Variants in GANAB observed in about 807,000 individuals in gnomAD.
GANAB encodes neutral alpha-glucosidase AB.
In GANAB, 35 loss-of-function variants were observed where a neutral mutation model predicts 129.9. That is an observed-to-expected ratio of 0.27 (90% CI 0.21 to 0.36). The LOEUF (loss-of-function observed/expected upper bound fraction) is 0.36, where lower values mean the gene tolerates loss of function less well. Among genes scored for constraint, GANAB ranks in the 10% least tolerant of loss-of-function variants. The pLI is 1.00. For synonymous variants in GANAB, 482 were observed against 451.8 expected (o/e 1.07, Z -0.85); for missense variants, 939 against 1,221.0 (o/e 0.77, Z 3.44).
At chr11:62,635,786 C>A (rs1943916313) in intron 4 of GANAB, among the ~76,000 whole-genome samples, 1 of 151,556 alleles carries the variant, frequency 6.6e-6, no homozygotes, top group Non-Finnish European at 1.5e-5. Context: ...CCACCACACC[C>A]GGCTAATTTT....
intron 4 of GANAB, among the ~76,000 whole-genome samples, chr11:62,636,962 G>A (rs142969740): frequency 0.013 from 2,018 of 151,748 alleles, 40 homozygotes; most frequent in African/African-American, 0.046. Flanking sequence ...TCTGACCTTG[G>A]GGTAGATAAA....
chr11:62,632,793 G>A (rs758066176), intron 8 of GANAB, 48 bp from the exon 9 acceptor site: 9 of 1,447,852 alleles, frequency 6.2e-6, no homozygotes, highest in African/African-American at 2.8e-5. Context: ...CCCAGGCTGC[G>A]TTATATGCTA....
At position 62,629,689 on chromosome 11, in the gene GANAB, G is replaced by A. The variant is rs1306316887; in HGVS notation, c.1738-5C>T. The A allele has an allele frequency of 1.2e-6, 2 of 1,612,340 alleles. No individual in the cohort carries two copies. The highest frequency in any genetic ancestry group is 1.7e-6 in the Non-Finnish European group (2 of 1,178,690). On this transcript the variant is annotated splice_polypyrimidine_tract_variant and splice_region_variant and intron_variant, in intron 14 of 23. Coordinates refer to ENST00000356638, the MANE Select transcript of GANAB (RefSeq NM_198334.3). ...CCCATCAGCAGTCGCCATGTGCTGG[G>A]TGAGGAGAGAAGAGACGGGTAGTGA... is the stretch of plus-strand genomic sequence containing the variant.
intron 4 of GANAB, among the ~76,000 whole-genome samples, chr11:62,638,667 T>C (rs1337986751): frequency 1.3e-5 from 2 of 151,384 alleles, no homozygotes; most frequent in African/African-American, 2.4e-5. Flanking sequence ...AGCAAGCAGG[T>C]AGACATTGTA....
intron 1 of GANAB, among the ~76,000 whole-genome samples, chr11:62,644,915 G>C (rs1271276488): frequency 1.3e-5 from 2 of 152,064 alleles, no homozygotes; most frequent in African/African-American, 4.8e-5. Context: ...ATTGTATCTA[G>C]TTATCTAGCA....
intron 1 of GANAB, among the ~76,000 whole-genome samples, chr11:62,643,086 C>T (rs1420939436): frequency 6.6e-6 from 1 of 152,126 alleles, no homozygotes; most frequent in South Asian, 2.1e-4. Context: ...TCCCAATGTG[C>T]TATGAAATGA....
At position 62,631,029 on chromosome 11, in the gene GANAB, C is replaced by A. The variant is rs769414741; in HGVS notation, c.1150+1G>T. The A allele has an allele frequency of 1.9e-6, 3 of 1,596,596 alleles. No individual in the cohort carries two copies. ...AGAATGAGGCAGGGAAAACCATGTA[C>A]CTGTGAGACTAGCATATTGCCGGAA... On this transcript the variant is annotated splice_donor_variant, in intron 10 of 23. Coordinates refer to ENST00000356638, the MANE Select transcript of GANAB (RefSeq NM_198334.3). LOFTEE classifies it high-confidence loss of function.
intron 1 of GANAB, among the ~76,000 whole-genome samples, chr11:62,641,341 G>GAAAAAAAA (rs10629748): frequency 9.1e-6 from 1 of 109,978 alleles, no homozygotes; most frequent in African/African-American, 3.5e-5. Context: ...AAAACTCTCA[G>GAAAAAAAA]AAAAAAAAAA....
chr11:62,639,776 G>C (rs746704796), intron 1 of GANAB, 45 bp from the exon 2 acceptor site: 4 of 1,317,776 alleles, frequency 3.0e-6, no homozygotes, highest in Non-Finnish European at 4.4e-6. Context: ...ATGGAGGTCA[G>C]AAGGGGCCCC....
chr11:62,634,507 T>C, intron 5 of GANAB: 1 of 676,080 alleles, frequency 1.5e-6, no homozygotes, highest in Non-Finnish European at 2.6e-6. Context: ...AAAAAATAAA[T>C]AAATAAAAAC....
Position 62,625,444 on chromosome 11 carries a change from C to T in GANAB, c.*371G>A, listed in dbSNP as rs1031415130. The T allele has an allele frequency of 2.5e-5, 10 of 397,766 alleles. No individual in the cohort carries two copies. The Admixed American group carries it at 3.2e-4, about 13-fold the overall frequency. The allele number at this position is 397,766 out of a possible 1,614,324, so 24.6% of individuals were successfully genotyped here. A position where few individuals can be genotyped will look rare whatever the true frequency, so the allele number is the denominator to read the frequency against. ...CTCATCTTCTTCCAAGAAGTGGCAT[C>T]AACATACAAGAGGCATGAATGGATA... On this transcript the variant is annotated 3_prime_UTR_variant, in exon 24 of 24. Coordinates refer to ENST00000356638, the MANE Select transcript of GANAB (RefSeq NM_198334.3).
rs372157422 is a variant in GANAB, at chr11:62,635,051, G to C, written c.381-51C>G. 304 of 1,346,296 alleles carry C rather than the reference G, an allele frequency of 2.3e-4. 1 individual carries two copies. The Admixed American group carries it at 2.7e-3, about 12-fold the overall frequency. The allele number at this position is 1,346,296 out of a possible 1,614,324, so 83.4% of individuals were successfully genotyped here. A position where few individuals can be genotyped will look rare whatever the true frequency, so the allele number is the denominator to read the frequency against. On this transcript the variant is annotated intron_variant, in intron 4 of 23. Transcript: ENST00000356638. ...AAGGAAGTACAAAGGGCCAAGAGGAGTAATGACACTTTAGAAGACCGGGGG... is the reference window on the plus strand; with the variant it reads ...AAGGAAGTACAAAGGGCCAAGAGGACTAATGACACTTTAGAAGACCGGGGG...
intron 15 of GANAB, 117 bp from the exon 16 acceptor site, chr11:62,629,412 A>G: frequency 2.3e-6 from 2 of 856,616 alleles, no homozygotes; most frequent in South Asian, 2.9e-5. Flanking sequence ...GCAGTTCACA[A>G]GAACATTTGA....
chr11:62,634,388 G>C, intron 5 of GANAB: 1 of 1,583,196 alleles, frequency 6.3e-7, no homozygotes. Context: ...GGGGCAGGAG[G>C]AGATGGGTAG....
At position 62,639,391 on chromosome 11, in the gene GANAB, G is replaced by A. The variant is rs143393884; in HGVS notation, c.220C>T (p.Leu74Phe). The change falls in exon 3 of 24, where the codon CTC becomes TTC. Residue 74 changes from leucine to phenylalanine, a missense_variant. By Grantham distance (22) the Leu-to-Phe change is conservative. Coordinates refer to ENST00000356638, the MANE Select transcript of GANAB (RefSeq NM_198334.3). ...ACCTCATGGATCAGATGGACCGTGA[G>A]GGAATCAGGACCAAGCTGTAGAGAG... The part of the protein sequence containing the change: ...LDSLQLGPDS[L>F]TVHLIHEVTK... 2.1e-4 allele frequency: 339 copies of A among 1,612,696 alleles called. 2 individuals carry two copies. The African/African-American group carries it at 3.9e-3, about 18-fold the overall frequency.
chr11:62,630,183 G>A lies in GANAB; in HGVS notation c.1593+14C>T, dbSNP rs1590800150. The A allele has an allele frequency of 6.3e-7, 1 of 1,588,344 alleles. No homozygotes were observed. Among genetic ancestry groups the A allele is most frequent in the East Asian group, 2.2e-5 (1 of 44,710 alleles). ...AACAGACAGACGCAGGTCATGGGGA[G>A]AGGCCTTCCCTACCTCATAATTGTC... On this transcript the variant is annotated intron_variant, in intron 13 of 23. Transcript: ENST00000356638.
chr11:62,626,205 T>C (rs1334324641), intron 22 of GANAB, 40 bp from the exon 23 acceptor site: 10 of 1,467,222 alleles, frequency 6.8e-6, no homozygotes, highest in Middle Eastern at 1.7e-4. Flanking sequence ...GGGGGAAAAA[T>C]AACAGAACAG....
chr11:62,630,721 G>A lies in GANAB; in HGVS notation c.1266C>T (p.Pro422=). ...VDQGFDDHNL[P]CDVIWLDIEH... ...CAATGTCTAGCCAGATGACATCACA[G>A]GGCAGGTTGTGATCATCAAAGCCCT... The change falls in exon 11 of 24, where the codon CCC becomes CCT. Residue 422 remains proline, a synonymous_variant. Coordinates refer to ENST00000356638, the MANE Select transcript of GANAB (RefSeq NM_198334.3). 2.5e-6 allele frequency: 4 copies of A among 1,613,908 alleles called. No homozygotes were observed. Among genetic ancestry groups the A allele is most frequent in the Non-Finnish European group, 3.4e-6 (4 of 1,179,764 alleles).
At position 62,630,682 on chromosome 11, in the gene GANAB, G is replaced by A. The variant is rs752572197; in HGVS notation, c.1305C>T (p.Gly435=). 6.2e-7 allele frequency: 1 copy of A among 1,614,164 alleles called. No homozygotes were observed. The change falls in exon 11 of 24, where the codon GGC becomes GGT. Residue 435 remains glycine (G), a synonymous_variant. Transcript: ENST00000356638. ...TGGGGTCCCAGGTGAAATACCGCTT[G>A]CCATCAGCATGTTCAATGTCTAGCC... ...VIWLDIEHAD[G]KRYFTWDPSR...
Sources: allele counts gnomAD v4.1 joint callset (sites outside exome capture counted in the v4.1 genomes callset), GRCh38; gene constraint gnomAD v4.1.1; transcripts MANE v1.5; gene names NCBI Gene and HGNC (gene_info 2026-07-23, HGNC 2026-07-21).